Variants in PTPRK observed in about 807,000 individuals in gnomAD.
PTPRK encodes receptor-type tyrosine-protein phosphatase kappa.
Under a neutral mutation model 178.0 loss-of-function variants are expected in PTPRK, and 75 were observed. The observed-to-expected ratio is 0.42, with a 90% CI of 0.35 to 0.51. The LOEUF (loss-of-function observed/expected upper bound fraction) is 0.51, where lower values mean the gene tolerates loss of function less well. Among genes scored for constraint, PTPRK ranks in the 20% least tolerant of loss-of-function variants. The probability of loss-of-function intolerance (pLI) is 0.02; values close to 1 mark genes in which losing one functional copy is unlikely to be tolerated. For missense variants in PTPRK, 1,441 were observed against 1,797.8 expected (o/e 0.80, Z 3.59); for synonymous variants, 637 against 620.6 (o/e 1.03, Z -0.39).
At chr6:128,273,944 T>C (rs887944624) in intron 3 of PTPRK, among the ~76,000 whole-genome samples, 2 of 152,108 alleles carry the variant, frequency 1.3e-5, no homozygotes, top group African/African-American at 4.8e-5. Flanking sequence ...AATACATACA[T>C]ACAGAGATAA....
chr6:128,390,635 A>G (rs923898470), intron 2 of PTPRK, among the ~76,000 whole-genome samples: 4 of 152,178 alleles, frequency 2.6e-5, no homozygotes, highest in Admixed American at 6.5e-5. Context: ...GTGGTACTGG[A>G]ACAAGAGTAA....
intron 7 of PTPRK, among the ~76,000 whole-genome samples, chr6:128,142,754 G>C (rs1452032428): frequency 6.6e-6 from 1 of 151,774 alleles, no homozygotes; most frequent in African/African-American, 2.4e-5. Flanking sequence ...TTTTAATAAG[G>C]AGTGACTGTC....
chr6:128,322,127 T>C lies in PTPRK; in HGVS notation c.407A>G (p.Asn136Ser). 2 of 1,613,882 alleles carry C rather than the reference T, an allele frequency of 1.2e-6. No individual in the cohort carries two copies. The highest frequency in any genetic ancestry group is 1.1e-5 in the South Asian group (1 of 91,076). The part of the protein sequence containing the change: ...LVRVNKGPLA[N>S]PIWNVTGFTG... ...GAATCCAGTCACATTCCAAATTGGA[T>C]TGGCAAGAGGTCCTTTATTCACCCT... Residue 136 changes from asparagine (N) to serine (S), a missense_variant, in exon 3 of 30, where the codon AAT (asparagine) becomes AGT (serine). Coordinates refer to ENST00000368226, the MANE Select transcript of PTPRK (RefSeq NM_002844.4).
chr6:128,189,994 T>C (rs975056587), intron 6 of PTPRK, among the ~76,000 whole-genome samples: 2 of 152,190 alleles, frequency 1.3e-5, no homozygotes, highest in Admixed American at 6.5e-5. Context: ...TCTTGAGCAT[T>C]TCAAGAAACT....
chr6:128,180,947 T>A (rs576534909), intron 7 of PTPRK, among the ~76,000 whole-genome samples: 15 of 152,222 alleles, frequency 9.9e-5, no homozygotes, highest in African/African-American at 3.6e-4. Context: ...GAAAAGGAGT[T>A]GAGGCCCATC....
intron 1 of PTPRK, among the ~76,000 whole-genome samples, chr6:128,406,324 C>A (rs949385404): frequency 6.6e-6 from 1 of 151,982 alleles, no homozygotes; most frequent in Admixed American, 6.6e-5. Context: ...AACCCCCTTG[C>A]ATATCAAAAT....
intron 7 of PTPRK, among the ~76,000 whole-genome samples, chr6:128,166,711 T>A (rs899395349): frequency 6.6e-5 from 10 of 151,828 alleles, no homozygotes; most frequent in East Asian, 3.9e-4. Flanking sequence ...ACTCTCATTA[T>A]CCCCCAAGTT....
At chr6:128,056,103 A>C (rs758036434) in intron 13 of PTPRK, among the ~76,000 whole-genome samples, 4 of 149,000 alleles carry the variant, frequency 2.7e-5, no homozygotes, top group Non-Finnish European at 4.4e-5. Flanking sequence ...AATAGTGAGC[A>C]TAATACTATG....
chr6:128,446,513 T>A (rs79342124), intron 1 of PTPRK, among the ~76,000 whole-genome samples: 1 of 152,152 alleles, frequency 6.6e-6, no homozygotes, highest in South Asian at 2.1e-4. Flanking sequence ...CCTAATTTTT[T>A]AAAAATTCTT....
intron 1 of PTPRK, among the ~76,000 whole-genome samples, chr6:128,495,711 T>C (rs940350259): frequency 1.3e-5 from 2 of 152,166 alleles, no homozygotes; most frequent in Admixed American, 6.5e-5. Flanking sequence ...GCGATACTTA[T>C]GAAAATTTGA....
chr6:128,433,532 A>T (rs1030577711), intron 1 of PTPRK, among the ~76,000 whole-genome samples: 21 of 151,494 alleles, frequency 1.4e-4, no homozygotes, highest in African/African-American at 4.9e-4. Context: ...TTTTTGAGGC[A>T]GGGTTTTGCT....
At chr6:128,437,036 A>G (rs1163225547) in intron 1 of PTPRK, among the ~76,000 whole-genome samples, 1 of 152,198 alleles carries the variant, frequency 6.6e-6, no homozygotes, top group Admixed American at 6.5e-5. Flanking sequence ...GAGGCATCCT[A>G]ACCAGAGTCA....
chr6:128,271,782 C>T (rs139455128), intron 3 of PTPRK, among the ~76,000 whole-genome samples: 161 of 151,966 alleles, frequency 1.1e-3, no homozygotes, highest in Non-Finnish European at 2.0e-3. Context: ...CTGGCCAACG[C>T]TTCTGCTTGT....
intron 3 of PTPRK, among the ~76,000 whole-genome samples, chr6:128,296,159 C>G (rs995906919): frequency 6.6e-6 from 1 of 152,114 alleles, no homozygotes; most frequent in East Asian, 1.9e-4. Flanking sequence ...TTCTTGCTCA[C>G]TGCCATCTAG....
chr6:128,520,530 A>G lies in PTPRK; in HGVS notation c.-172T>C. 1.7e-6 allele frequency: 1 copy of G among 586,034 alleles called. No homozygotes were observed. Among genetic ancestry groups the G allele is most frequent in the African/African-American group, 1.9e-5 (1 of 53,158 alleles). 36.3% of individuals were successfully genotyped at this position (586,034 alleles called of 1,614,324 possible). A position where few individuals can be genotyped will look rare whatever the true frequency, so the allele number is the denominator to read the frequency against. Reference sequence around the variant, plus strand: ...GTCGCCAAACTACCTCAGGGGCGAAAGCGTCGCCAGCGTCGCCGGCCGGCC... The same window carrying G: ...GTCGCCAAACTACCTCAGGGGCGAAGGCGTCGCCAGCGTCGCCGGCCGGCC... On this transcript the variant is annotated 5_prime_UTR_variant, in exon 1 of 30. Transcript: ENST00000368226.
At chr6:128,326,289 C>T (rs1584172669) in intron 2 of PTPRK, among the ~76,000 whole-genome samples, 1 of 152,204 alleles carries the variant, frequency 6.6e-6, no homozygotes, top group Admixed American at 6.5e-5. Flanking sequence ...GCATATGTAT[C>T]TCAGAACTTA....
At chr6:128,081,681 C>T (rs994750772) in intron 10 of PTPRK, among the ~76,000 whole-genome samples, 3 of 151,822 alleles carry the variant, frequency 2.0e-5, no homozygotes, top group African/African-American at 7.3e-5. Flanking sequence ...AAATTTAACT[C>T]TTCATTTACA....
chr6:128,223,590 G>C (rs955017822), intron 5 of PTPRK, among the ~76,000 whole-genome samples: 1 of 151,958 alleles, frequency 6.6e-6, no homozygotes, highest in Non-Finnish European at 1.5e-5. Context: ...AGACTTATGT[G>C]ATATTTATTT....
intron 15 of PTPRK, chr6:128,000,127 T>C (rs1167860150): frequency 3.4e-5 from 33 of 981,468 alleles, no homozygotes; most frequent in Non-Finnish European, 4.0e-5. Flanking sequence ...AAAAGCATTA[T>C]ACCGTCATAC....
Sources: gnomAD v4.1 joint callset for allele counts (sites outside exome capture counted in the v4.1 genomes callset) on GRCh38, gnomAD v4.1.1 for gene constraint, MANE v1.5 for transcripts, NCBI Gene and HGNC (gene_info 2026-07-23, HGNC 2026-07-21) for gene names.